The following DIS3L2 variants were observed in gnomAD, a reference collection of about 807,000 sequenced individuals.
The protein encoded by DIS3L2 is DIS3-like exonuclease 2.
Under a neutral mutation model 97.5 loss-of-function variants are expected in DIS3L2, and 34 were observed. The observed-to-expected ratio is 0.35, with a 90% CI of 0.27 to 0.46. The LOEUF (loss-of-function observed/expected upper bound fraction) is 0.46. Among genes scored for constraint, DIS3L2 ranks in the 20% least tolerant of loss-of-function variants. The probability of loss-of-function intolerance (pLI) is 1.00; values close to 1 mark genes in which losing one functional copy is unlikely to be tolerated. For synonymous variants in DIS3L2, 435 were observed against 445.2 expected (o/e 0.98, Z 0.29); for missense variants, 1,038 against 1,146.0 (o/e 0.91, Z 1.36).
chr2:232,321,704 C>A (rs1419971846), intron 14 of DIS3L2, among the ~76,000 whole-genome samples: 4 of 152,230 alleles, frequency 2.6e-5, no homozygotes, highest in African/African-American at 2.4e-5. Context: ...CAGGAGGGGG[C>A]AGCCTTATCA....
chr2:232,334,250 C>T, intron 17 of DIS3L2, 119 bp from the exon 18 acceptor site: 1 of 1,336,282 alleles, frequency 7.5e-7, no homozygotes. Context: ...GCCCTGGGAG[C>T]TGGGTGCTTG....
At chr2:232,027,654 G>C (rs926765215) in intron 4 of DIS3L2, among the ~76,000 whole-genome samples, 5 of 152,106 alleles carry the variant, frequency 3.3e-5, no homozygotes, top group African/African-American at 9.7e-5. Flanking sequence ...GAAGAACAGT[G>C]AATTAGTCAG....
intron 1 of DIS3L2, among the ~76,000 whole-genome samples, chr2:231,981,598 T>TTATATATA (rs10669283): frequency 0.063 from 5,273 of 83,628 alleles, 226 homozygotes; most frequent in Non-Finnish European, 0.08. Context: ...GTTAAGTATT[T>TTATATATA]TATATATATA....
chr2:232,336,879 G>C lies in DIS3L2; in HGVS notation c.*249G>C. 7.5e-7 allele frequency: 1 copy of C among 1,326,878 alleles called. No homozygotes were observed. The highest frequency in any genetic ancestry group is 3.4e-5 in the East Asian group (1 of 29,512). 82.2% of individuals were successfully genotyped at this position (1,326,878 alleles called of 1,614,324 possible). ...AGGCCCCAGTCCTCCTGGGAGGCTG[G>C]CCCCCCTTTTTTCTGGGCCCTACTG... On this transcript the variant is annotated 3_prime_UTR_variant, in exon 21 of 21. Coordinates refer to ENST00000325385, the MANE Select transcript of DIS3L2 (RefSeq NM_152383.5).
At chr2:232,288,381 G>A (rs947444335) in intron 13 of DIS3L2, among the ~76,000 whole-genome samples, 6 of 152,196 alleles carry the variant, frequency 3.9e-5, no homozygotes, top group Admixed American at 1.3e-4. Context: ...TGATATAGCA[G>A]GGGCTTATTA....
intron 5 of DIS3L2, among the ~76,000 whole-genome samples, chr2:232,039,413 A>G (rs1695046128): frequency 6.6e-6 from 1 of 152,162 alleles, no homozygotes. Context: ...TGGATTATTC[A>G]TCTTTGCTTC....
intron 5 of DIS3L2, among the ~76,000 whole-genome samples, chr2:232,050,282 C>A (rs567215552): frequency 6.6e-6 from 1 of 151,532 alleles, no homozygotes; most frequent in East Asian, 1.9e-4. Context: ...TTTCTTTTTT[C>A]TTTTTTTGAG....
chr2:232,242,454 T>G (rs2853366), intron 11 of DIS3L2, among the ~76,000 whole-genome samples: 33,357 of 152,068 alleles, frequency 0.22, 4,396 homozygotes, highest in South Asian at 0.47. Flanking sequence ...TGACTTGGCT[T>G]GTGGGCATCT....
At chr2:232,147,398 C>A (rs1690248903) in intron 8 of DIS3L2, among the ~76,000 whole-genome samples, 2 of 152,284 alleles carry the variant, frequency 1.3e-5, no homozygotes, top group South Asian at 4.2e-4. Context: ...AATATTGATA[C>A]ATTATTAATG....
At chr2:231,996,959 G>A (rs1693748645) in intron 1 of DIS3L2, among the ~76,000 whole-genome samples, 1 of 152,184 alleles carries the variant, frequency 6.6e-6, no homozygotes, top group Non-Finnish European at 1.5e-5. Context: ...AACTAAAGTA[G>A]TGTCCCTTTC....
rs575292785 is a variant in DIS3L2 at position 231,980,167 on chromosome 2, A to T, written c.-94+18402A>T. The stretch of plus-strand genomic sequence containing the variant: ...TCTCATCTATTTTGGGCATTCTTCT[A>T]TTAGATCTTAAAAATTACTTTTTAT... On this transcript the variant is annotated intron_variant, in intron 1 of 20. Coordinates refer to ENST00000325385, the MANE Select transcript of DIS3L2 (RefSeq NM_152383.5). Among the ~76,000 whole-genome samples, 4 of 152,306 alleles carry T rather than the reference A, an allele frequency of 2.6e-5. No individual in the cohort carries two copies. The East Asian group carries it at 7.7e-4, about 29-fold the overall frequency.
At chr2:232,140,168 C>T (rs2106358586) in intron 8 of DIS3L2, among the ~76,000 whole-genome samples, 1 of 152,246 alleles carries the variant, frequency 6.6e-6, no homozygotes, top group South Asian at 2.1e-4. Context: ...TCTCCTTCCT[C>T]TAGTGTTTGC....
chr2:232,067,487 T>C (rs1452794844), intron 5 of DIS3L2, among the ~76,000 whole-genome samples: 1 of 152,210 alleles, frequency 6.6e-6, no homozygotes, highest in Non-Finnish European at 1.5e-5. Context: ...AATTGTGTTA[T>C]AGTCAGAGGG....
At chr2:232,257,490 T>C (rs1693596745) in intron 12 of DIS3L2, among the ~76,000 whole-genome samples, 1 of 152,100 alleles carries the variant, frequency 6.6e-6, no homozygotes, top group Admixed American at 6.5e-5. Flanking sequence ...GCAGCCAAAA[T>C]CCACTCCACC....
chr2:232,088,511 T>C (rs1283951803), intron 6 of DIS3L2, among the ~76,000 whole-genome samples: 1 of 150,048 alleles, frequency 6.7e-6, no homozygotes, highest in African/African-American at 2.5e-5. Flanking sequence ...GCGGTGAGCC[T>C]AGATTGTGCC....
chr2:232,006,300 A>G (rs1314745265), intron 1 of DIS3L2, among the ~76,000 whole-genome samples: 3 of 152,254 alleles, frequency 2.0e-5, no homozygotes, highest in Non-Finnish European at 4.4e-5. Context: ...CTAAAAAACT[A>G]TTGCCATCTT....
intron 14 of DIS3L2, among the ~76,000 whole-genome samples, chr2:232,301,770 G>A (rs1285425713): frequency 6.7e-6 from 1 of 149,756 alleles, no homozygotes; most frequent in Non-Finnish European, 1.5e-5. Flanking sequence ...TGTCTTAGCT[G>A]TTCACATATC....
At chr2:232,097,511 TGTGGC>T (rs1173885326) in intron 6 of DIS3L2, among the ~76,000 whole-genome samples, 1 of 151,758 alleles carries the variant, frequency 6.6e-6, no homozygotes. Flanking sequence ...AGCCTCACCC[TGTGGC>T]TGCCACCACT....
At chr2:232,304,627 C>T (rs1166263387) in intron 14 of DIS3L2, among the ~76,000 whole-genome samples, 1 of 152,198 alleles carries the variant, frequency 6.6e-6, no homozygotes, top group Non-Finnish European at 1.5e-5. Context: ...CTTCTCACTG[C>T]CAGGACTGTG....
Sources: allele counts gnomAD v4.1 joint callset (sites outside exome capture counted in the v4.1 genomes callset), GRCh38; gene constraint gnomAD v4.1.1; transcripts MANE v1.5; gene names NCBI Gene and HGNC (gene_info 2026-07-23, HGNC 2026-07-21).